Variants in KCTD18 observed in about 807,000 individuals in gnomAD.
KCTD18 encodes potassium channel tetramerization domain containing 18.
KCTD18 carries 22 observed loss-of-function variants against 30.4 expected under a neutral mutation model. The observed-to-expected ratio is 0.72, with a 90% CI of 0.52 to 1.03. KCTD18 has a LOEUF of 1.03. Among genes scored for constraint, KCTD18 ranks in the 50% least tolerant of loss-of-function variants. KCTD18 has a pLI of 0.00. For synonymous variants in KCTD18, 186 were observed against 209.0 expected (o/e 0.89, Z 0.95); for missense variants, 529 against 547.6 (o/e 0.97, Z 0.34).
chr2:200,500,127 A>T lies in KCTD18; in HGVS notation c.373-1043T>A, dbSNP rs2088062997. ...AATAAATTAGGTATTGATGGGACGT[A>T]TCTCAAAATAATAAGAGCTATCTAT... On this transcript the variant is annotated intron_variant, in intron 3 of 6. Coordinates refer to ENST00000359878, the MANE Select transcript of KCTD18 (RefSeq NM_152387.4). 2.6e-5 allele frequency among the ~76,000 whole-genome samples: 4 copies of T among 151,794 alleles called. No individual in the cohort carries two copies. The South Asian group carries it at 8.4e-4, about 32-fold the overall frequency.
In KCTD18 at chr2:200,497,763, C is replaced by G. The variant is rs766292213; in HGVS notation, c.651G>C (p.Trp217Cys). Reference protein sequence around the residue: ...LKKMMDAFDAWEGKGVSYWRV... With the variant: ...LKKMMDAFDACEGKGVSYWRV... ...AGAATTGCACTGTACCTTTTCCTTC[C>G]CAAGCATCAAAGGCATCCATCATTT... Residue 217 changes from tryptophan to cysteine, a missense_variant, in exon 5 of 7, where the codon TGG becomes TGC. Trp to Cys is a radical substitution (Grantham distance 215). Coordinates refer to ENST00000359878, the MANE Select transcript of KCTD18 (RefSeq NM_152387.4). 29 of 1,607,926 alleles carry G rather than the reference C, an allele frequency of 1.8e-5. No homozygotes were observed. The highest frequency in any genetic ancestry group is 2.3e-5 in the Non-Finnish European group (27 of 1,174,996).
intron 3 of KCTD18, among the ~76,000 whole-genome samples, chr2:200,502,319 G>C (rs2029900519): frequency 6.6e-6 from 1 of 151,402 alleles, no homozygotes; most frequent in African/African-American, 2.4e-5. Flanking sequence ...GAAAAAAAAA[G>C]AAATCTTCAT....
intron 2 of KCTD18, 152 bp from the exon 3 acceptor site, chr2:200,505,111 C>T (rs1157975752): frequency 9.3e-6 from 6 of 644,208 alleles, no homozygotes; most frequent in African/African-American, 1.8e-5. Context: ...TTTATGTAAT[C>T]TAAGCTAGAC....
At chr2:200,502,442 C>G (rs1188669743) in intron 3 of KCTD18, among the ~76,000 whole-genome samples, 1 of 152,056 alleles carries the variant, frequency 6.6e-6, no homozygotes, top group Admixed American at 6.6e-5. Flanking sequence ...ATGGTTGGTC[C>G]TTATTTTTAG....
rs138926922 is a variant in KCTD18 at position 200,491,837 on chromosome 2, C to T, written c.765-1221G>A. On this transcript the variant is annotated intron_variant, in intron 6 of 6. Coordinates refer to ENST00000359878, the MANE Select transcript of KCTD18 (RefSeq NM_152387.4). Reference sequence around the variant, plus strand: ...CATAGCATCAATGTGTCATTAGAGGCGATTACAACTTATTCAACTCCCATT... The same window carrying T: ...CATAGCATCAATGTGTCATTAGAGGTGATTACAACTTATTCAACTCCCATT... 5.6e-3 allele frequency among the ~76,000 whole-genome samples: 848 copies of T among 152,250 alleles called. 2 individuals are homozygous for T. The highest frequency in any genetic ancestry group is 0.011 in the African/African-American group (441 of 41,536).
chr2:200,491,374 C>A (rs925474186), intron 6 of KCTD18, among the ~76,000 whole-genome samples: 1 of 152,152 alleles, frequency 6.6e-6, no homozygotes, highest in Admixed American at 6.5e-5. Context: ...TCAAAATAAA[C>A]CTCTTTTCTT....
chr2:200,500,409 A>G lies in KCTD18; in HGVS notation c.373-1325T>C, dbSNP rs1434966971. Among the ~76,000 whole-genome samples, 7 of 152,224 alleles carry G rather than the reference A, an allele frequency of 4.6e-5. No homozygotes were observed. The East Asian group carries it at 1.2e-3, about 25-fold the overall frequency. Reference sequence around the variant, plus strand: ...ACTGTCTCAGCCCAAAATCTCCTTAAGCTGATAAGCAACTTCAGCAAAGTC... The same window carrying G: ...ACTGTCTCAGCCCAAAATCTCCTTAGGCTGATAAGCAACTTCAGCAAAGTC... On this transcript the variant is annotated intron_variant, in intron 3 of 6. Coordinates refer to ENST00000359878, the MANE Select transcript of KCTD18 (RefSeq NM_152387.4).
chr2:200,497,994 A>G, intron 4 of KCTD18, 147 bp from the exon 5 acceptor site: 1 of 629,126 alleles, frequency 1.6e-6, no homozygotes, highest in Admixed American at 2.7e-5. Context: ...ATCCTTAAGT[A>G]TACATATGCT....
chr2:200,507,823 ATTC>A (rs941344946), intron 1 of KCTD18, among the ~76,000 whole-genome samples: 8 of 152,290 alleles, frequency 5.3e-5, no homozygotes, highest in Admixed American at 2.0e-4. Flanking sequence ...TGAGATTATA[ATTC>A]TTCTTTTAAT....
At chr2:200,506,734 C>A in intron 2 of KCTD18, 123 bp downstream of exon 2, 1 of 792,836 alleles carries the variant, frequency 1.3e-6, no homozygotes, top group South Asian at 1.7e-5. Flanking sequence ...TCCATAGAGT[C>A]CTAATGATCT....
chr2:200,508,929 C>T (rs1038617689), intron 1 of KCTD18, among the ~76,000 whole-genome samples: 4 of 152,200 alleles, frequency 2.6e-5, no homozygotes, highest in African/African-American at 7.2e-5. Context: ...GACCGTCCCA[C>T]GTATCCTTCT....
chr2:200,499,001 A>G lies in KCTD18; in HGVS notation c.456T>C (p.Gly152=), dbSNP rs1303604464. ...VWVLHYLNTS[G]ASCESRIIGV... is the part of the protein sequence containing the mutation. ...CAATAATTCTACTCTCACAGCTTGC[A>G]CCAGATGTGTTAAGATAGTGGAGAA... Residue 152 remains glycine, a synonymous_variant, in exon 4 of 7, where the codon GGT becomes GGC. Coordinates refer to ENST00000359878, the MANE Select transcript of KCTD18 (RefSeq NM_152387.4). The G allele has an allele frequency of 6.2e-7, 1 of 1,613,968 alleles. No individual in the cohort carries two copies. Among genetic ancestry groups the G allele is most frequent in the South Asian group, 1.1e-5 (1 of 91,078 alleles).
chr2:200,505,789 CT>C (rs1356114914), intron 2 of KCTD18, among the ~76,000 whole-genome samples: 3 of 151,126 alleles, frequency 2.0e-5, no homozygotes, highest in African/African-American at 4.9e-5. Context: ...AGAACCCAAA[CT>C]TTAAAAAAGA....
chr2:200,509,287 C>T (rs1299193888), intron 1 of KCTD18, among the ~76,000 whole-genome samples: 1 of 152,082 alleles, frequency 6.6e-6, no homozygotes, highest in Non-Finnish European at 1.5e-5. Context: ...AACGGCAGGA[C>T]GAACCCCAAG....
At chr2:200,494,037 T>C (rs2087962234) in intron 5 of KCTD18, among the ~76,000 whole-genome samples, 1 of 152,252 alleles carries the variant, frequency 6.6e-6, no homozygotes, top group Non-Finnish European at 1.5e-5. Context: ...TCTGTTATGT[T>C]TTTTATTAAG....
In KCTD18 at chr2:200,490,481, G is replaced by C; in HGVS notation, c.900C>G (p.Ala300=). ...KNSASVTVSP[A]SAIQTSAGAT... is the part of the protein sequence containing the mutation. ...CCCCAGCCGACGTCTGGATGGCACT[G>C]GCTGGAGACACCGTGACTGAGGCCG... is the stretch of plus-strand genomic sequence containing the variant. Residue 300 remains alanine, a synonymous_variant, in exon 7 of 7, where the codon GCC becomes GCG. Coordinates refer to ENST00000359878, the MANE Select transcript of KCTD18 (RefSeq NM_152387.4). The C allele has an allele frequency of 6.2e-7, 1 of 1,612,730 alleles. No homozygotes were observed. The highest frequency in any genetic ancestry group is 8.5e-7 in the Non-Finnish European group (1 of 1,180,034).
At chr2:200,504,672 AG>A (rs2030063535) in intron 3 of KCTD18, 75 bp downstream of exon 3, 1 of 1,000,818 alleles carries the variant, frequency 1.0e-6, no homozygotes, top group Admixed American at 2.4e-5. Flanking sequence ...GTGAAAACAC[AG>A]GCTATGCAAA....
intron 1 of KCTD18, among the ~76,000 whole-genome samples, chr2:200,508,164 G>A (rs766686691): frequency 5.9e-5 from 9 of 152,242 alleles, no homozygotes; most frequent in Middle Eastern, 3.4e-3. Context: ...GTACAGTGGC[G>A]CCATCTCGGC....
chr2:200,501,940 T>C (rs1308333589), intron 3 of KCTD18, among the ~76,000 whole-genome samples: 47 of 151,692 alleles, frequency 3.1e-4, no homozygotes, highest in African/African-American at 1.1e-3. Context: ...ATATACACCA[T>C]GGAATACTAC....
Sources: allele counts gnomAD v4.1 joint callset (sites outside exome capture counted in the v4.1 genomes callset), GRCh38; gene constraint gnomAD v4.1.1; transcripts MANE v1.5; gene names NCBI Gene and HGNC (gene_info 2026-07-23, HGNC 2026-07-21).